Variants in ZZZ3 observed in about 807,000 individuals in gnomAD.
ZZZ3 encodes the protein ZZ-type zinc finger-containing protein 3.
Under a neutral mutation model 95.2 loss-of-function variants are expected in ZZZ3, and 22 were observed. The ratio of observed to expected loss-of-function variants is 0.23; its 90% CI spans 0.17 to 0.33. The LOEUF (loss-of-function observed/expected upper bound fraction) is 0.33. ZZZ3 is among the 10% of genes least tolerant of loss of function. The probability of loss-of-function intolerance (pLI) is 1.00; values close to 1 mark genes in which losing one functional copy is unlikely to be tolerated. For synonymous variants in ZZZ3, 335 were observed against 358.9 expected (o/e 0.93, Z 0.75); for missense variants, 885 against 1,066.5 (o/e 0.83, Z 2.37).
At chr1:77,570,252 G>A (rs1661244376) in intron 12 of ZZZ3, among the ~76,000 whole-genome samples, 1 of 152,036 alleles carries the variant, frequency 6.6e-6, no homozygotes, top group Non-Finnish European at 1.5e-5. Flanking sequence ...ACAGGTGCCC[G>A]TCACCACACC....
At chr1:77,612,842 T>C (rs2100740923) in intron 5 of ZZZ3, among the ~76,000 whole-genome samples, 1 of 152,034 alleles carries the variant, frequency 6.6e-6, no homozygotes, top group South Asian at 2.1e-4. Flanking sequence ...AAATTGTAGA[T>C]ACCTAGGATG....
chr1:77,586,670 A>T (rs1663112537), intron 5 of ZZZ3, among the ~76,000 whole-genome samples: 1 of 152,220 alleles, frequency 6.6e-6, no homozygotes, highest in Non-Finnish European at 1.5e-5. Context: ...AGACAAAATG[A>T]TTATCAGATT....
chr1:77,565,607 G>A lies in ZZZ3; in HGVS notation c.*33C>T. 6.2e-7 allele frequency: 1 copy of A among 1,605,484 alleles called. No individual in the cohort carries two copies. ...AACAATGATACCATTGCTATGTGTTGAAGAGGACTAGTAAATGATGTTCTC... is the reference window on the plus strand; with the variant it reads ...AACAATGATACCATTGCTATGTGTTAAAGAGGACTAGTAAATGATGTTCTC... On this transcript the variant is annotated 3_prime_UTR_variant, in exon 15 of 15. Transcript: ENST00000370801.
chr1:77,637,022 T>C (rs1668367974), intron 4 of ZZZ3, among the ~76,000 whole-genome samples: 1 of 152,124 alleles, frequency 6.6e-6, no homozygotes, highest in Non-Finnish European at 1.5e-5. Context: ...ATCACGGGCA[T>C]CTCCTGGAAG....
At chr1:77,654,574 A>G (rs1246939996) in intron 1 of ZZZ3, among the ~76,000 whole-genome samples, 2 of 152,182 alleles carry the variant, frequency 1.3e-5, no homozygotes, top group Admixed American at 1.3e-4. Context: ...ACATGTACAT[A>G]AGGTTGGTTC....
chr1:77,679,944 T>G lies in ZZZ3; in HGVS notation c.-403+2641A>C, dbSNP rs1202325069. 3.3e-5 allele frequency among the ~76,000 whole-genome samples: 5 copies of G among 152,282 alleles called. 1 individual carries two copies. Among genetic ancestry groups the G allele is most frequent in the African/African-American group, 1.2e-4 (5 of 41,574 alleles). On this transcript the variant is annotated intron_variant, in intron 1 of 14. Transcript: ENST00000370801. ...TGAAAAGTTTATAAAACAAAAGTTC[T>G]AAGAACAAGGAACATATATTATTTC... is the stretch of plus-strand genomic sequence containing the variant.
chr1:77,672,238 T>G (rs1433721757), intron 1 of ZZZ3, among the ~76,000 whole-genome samples: 2 of 152,190 alleles, frequency 1.3e-5, no homozygotes, highest in Admixed American at 1.3e-4. Context: ...AATTCCCTGA[T>G]AGGTGCCAGG....
intron 1 of ZZZ3, among the ~76,000 whole-genome samples, chr1:77,682,202 G>A (rs1672836438): frequency 1.3e-5 from 2 of 152,204 alleles, no homozygotes; most frequent in South Asian, 4.1e-4. Flanking sequence ...TGTTTCAGGA[G>A]ACTGGAGTCA....
intron 5 of ZZZ3, among the ~76,000 whole-genome samples, chr1:77,610,870 T>C (rs1665729583): frequency 6.6e-6 from 1 of 151,718 alleles, no homozygotes; most frequent in Admixed American, 6.6e-5. Context: ...GACATCATAC[T>C]CAAGGGTGAA....
At chr1:77,575,895 T>C (rs1337612453) in intron 12 of ZZZ3, among the ~76,000 whole-genome samples, 173 bp downstream of exon 12, 2 of 152,246 alleles carry the variant, frequency 1.3e-5, no homozygotes, top group African/African-American at 4.8e-5. Flanking sequence ...CATTATACTA[T>C]TCTATTTTTG....
At chr1:77,671,374 A>T (rs1179958575) in intron 1 of ZZZ3, among the ~76,000 whole-genome samples, 4 of 152,224 alleles carry the variant, frequency 2.6e-5, no homozygotes, top group Non-Finnish European at 5.9e-5. Flanking sequence ...AAGAAAATTC[A>T]AATGTCACTG....
In ZZZ3 at chr1:77,568,466, C is replaced by T; in HGVS notation, c.2332G>A (p.Asp778Asn). 1 of 926,426 alleles carries T rather than the reference C, an allele frequency of 1.1e-6. No individual in the cohort carries two copies. 57.4% of individuals were successfully genotyped at this position (926,426 alleles called of 1,614,324 possible). A position where few individuals can be genotyped will look rare whatever the true frequency, so the allele number is the denominator to read the frequency against. ...HMNTAVEDAS[D>N]DESIPIMYRN... is the part of the protein sequence containing the mutation. ...TACATGATAGGAATACTTTCGTCAT[C>T]CTATCAAAAAAAAAAAAAAAAAAAA... The change falls in exon 13 of 15, where the codon GAT (aspartate) becomes AAT (asparagine). Residue 778 changes from aspartate (D) to asparagine (N), a missense_variant and splice_region_variant. By Grantham distance (23) the Asp-to-Asn change is conservative. Coordinates refer to ENST00000370801, the MANE Select transcript of ZZZ3 (RefSeq NM_015534.6).
intron 12 of ZZZ3, among the ~76,000 whole-genome samples, chr1:77,570,991 G>T: frequency 6.6e-6 from 1 of 151,616 alleles, no homozygotes; most frequent in African/African-American, 2.4e-5. Context: ...TCAAATTCTT[G>T]TCAACTAAAG....
At chr1:77,607,228 A>G (rs1039135373) in intron 5 of ZZZ3, among the ~76,000 whole-genome samples, 7 of 152,202 alleles carry the variant, frequency 4.6e-5, no homozygotes, top group African/African-American at 1.7e-4. Flanking sequence ...GGCATGCAAA[A>G]GGACTTGTGC....
At chr1:77,580,928 A>T in intron 9 of ZZZ3, 70 bp downstream of exon 9, 1 of 1,362,194 alleles carries the variant, frequency 7.3e-7, no homozygotes, top group Non-Finnish European at 1.1e-6. Flanking sequence ...ACCTGGCCTC[A>T]TAATACTGAC....
At chr1:77,586,656 G>GT (rs1420338336) in intron 5 of ZZZ3, among the ~76,000 whole-genome samples, 1 of 152,136 alleles carries the variant, frequency 6.6e-6, no homozygotes, top group East Asian at 1.9e-4. Flanking sequence ...CTTCCATTTA[G>GT]TTAAGACAAA....
intron 5 of ZZZ3, among the ~76,000 whole-genome samples, chr1:77,610,998 G>C (rs750773560): frequency 6.6e-6 from 1 of 151,638 alleles, no homozygotes; most frequent in Non-Finnish European, 1.5e-5. Context: ...GAAATAAATA[G>C]CATCTAAATT....
At chr1:77,663,853 G>A (rs1427755320) in intron 1 of ZZZ3, among the ~76,000 whole-genome samples, 5 of 151,710 alleles carry the variant, frequency 3.3e-5, no homozygotes, top group Non-Finnish European at 5.9e-5. Flanking sequence ...GGGTTCAAGC[G>A]ATTCTCCTGC....
intron 1 of ZZZ3, among the ~76,000 whole-genome samples, chr1:77,649,095 C>G (rs1344205570): frequency 6.6e-6 from 1 of 152,132 alleles, no homozygotes; most frequent in African/African-American, 2.4e-5. Flanking sequence ...CCACTTCACT[C>G]CAGCCTGGGT....
Sources: allele counts gnomAD v4.1 joint callset (sites outside exome capture counted in the v4.1 genomes callset), GRCh38; gene constraint gnomAD v4.1.1; transcripts MANE v1.5; gene names NCBI Gene and HGNC (gene_info 2026-07-23, HGNC 2026-07-21).